The following ADAP1 variants were observed in gnomAD, a reference collection of about 807,000 sequenced individuals.
ADAP1 encodes arf-GAP with dual PH domain-containing protein 1.
Under a neutral mutation model 54.9 loss-of-function variants are expected in ADAP1, and 31 were observed. That is an observed-to-expected ratio of 0.56 (90% CI 0.42 to 0.76). The LOEUF is 0.76. Ranked by LOEUF, ADAP1 falls within the 30% of genes least tolerant of loss-of-function variation. The pLI, the probability that ADAP1 is intolerant of heterozygous loss-of-function variation, is 0.00. For synonymous variants in ADAP1, 313 were observed against 202.6 expected (o/e 1.55, Z -4.63); for missense variants, 535 against 512.4 (o/e 1.04, Z -0.42).
intron 4 of ADAP1, 83 bp from the exon 5 acceptor site, chr7:905,255 G>T (rs1263896627): frequency 3.2e-6 from 3 of 928,280 alleles, no homozygotes; most frequent in Admixed American, 2.0e-5. Flanking sequence ...GGACAGAGGG[G>T]ACATGGGGAG....
chr7:919,131 C>A (rs1008624686), intron 4 of ADAP1, among the ~76,000 whole-genome samples: 1 of 152,212 alleles, frequency 6.6e-6, no homozygotes, highest in African/African-American at 2.4e-5. Flanking sequence ...GTTTCTGCCA[C>A]CCGAGGGCCC....
intron 4 of ADAP1, among the ~76,000 whole-genome samples, chr7:912,389 C>CG (rs1389457490): frequency 1.3e-5 from 2 of 152,100 alleles, no homozygotes; most frequent in Non-Finnish European, 2.9e-5. Context: ...CAGGGGCAGG[C>CG]GGGGGGCAAG....
intron 1 of ADAP1, among the ~76,000 whole-genome samples, chr7:953,545 T>C (rs1847317216): frequency 6.6e-6 from 1 of 152,200 alleles, no homozygotes. Flanking sequence ...GGGCTTAGAC[T>C]ATTGGCCCCC....
rs1845454176 is a variant in ADAP1, at chr7:906,756, GGACAGGGGACATGGGGGACA to G, written c.389-1604_389-1585del. 1.8e-3 allele frequency among the ~76,000 whole-genome samples: 71 copies of G among 38,924 alleles called. 6 individuals are homozygous for G. In the East Asian group the frequency reaches 0.059, roughly 32 times the overall value. The allele number at this position is 38,924 out of a possible 152,430, so 25.5% of individuals were successfully genotyped here. A position where few individuals can be genotyped will look rare whatever the true frequency, so the allele number is the denominator to read the frequency against. ...GGGGGACAGAGTACATAGGGGACAT[GGACAGGGGACATGGGGGACA>G]GGGGACACGGGGGACGGGACAGGGG... On this transcript the variant is annotated intron_variant, in intron 4 of 10. Coordinates refer to ENST00000265846, the MANE Select transcript of ADAP1 (RefSeq NM_006869.4).
intron 10 of ADAP1, 37 bp from the exon 11 acceptor site, chr7:898,986 G>A (rs374700150): frequency 9.6e-5 from 155 of 1,610,220 alleles, no homozygotes; most frequent in Middle Eastern, 6.6e-4. Flanking sequence ...TCACAGCGGC[G>A]GGGAGCTGGG....
At chr7:900,414 C>T in intron 7 of ADAP1, 119 bp downstream of exon 7, 1 of 1,162,864 alleles carries the variant, frequency 8.6e-7, no homozygotes, top group Non-Finnish European at 1.2e-6. Flanking sequence ...AGCCCTTGGC[C>T]AGTCCCAGGC....
Position 937,637 on chromosome 7 carries a change from ACCTCTGGGATTTGGGGGTCATGCCCGG to A in ADAP1, c.83-2159_83-2133del, listed in dbSNP as rs1846816084. Among the ~76,000 whole-genome samples, 128 of 24,044 alleles carry A rather than the reference ACCTCTGGGATTTGGGGGTCATGCCCGG, an allele frequency of 5.3e-3. 1 individual carries two copies. The highest frequency in any genetic ancestry group is 0.012 in the Admixed American group (22 of 1,890). The allele number at this position is 24,044 out of a possible 152,430, so 15.8% of individuals were successfully genotyped here. ...CTCTGGGATTTGGGGGTCACGCCCGACCTCTGGGATTTGGGGGTCATGCCCGGCCTCTGGGATTTGGGGGTCATGCCC... is the reference window on the plus strand; with the variant it reads ...CTCTGGGATTTGGGGGTCACGCCCGACCTCTGGGATTTGGGGGTCATGCCC... On this transcript the variant is annotated intron_variant, in intron 1 of 10. Coordinates refer to ENST00000265846, the MANE Select transcript of ADAP1 (RefSeq NM_006869.4).
intron 1 of ADAP1, among the ~76,000 whole-genome samples, chr7:943,436 GAGGAGGAGGAAGGGAGC>G (rs1409814043): frequency 1.3e-4 from 1 of 7,446 alleles, no homozygotes; most frequent in African/African-American, 1.3e-3. Flanking sequence ...AGGAGGAAGA[GAGGAGGAGGAAGGGAGC>G]GAGGAGGAAG....
At chr7:954,251 GCCGAT>G (rs1847334819) in intron 1 of ADAP1, 140 bp downstream of exon 1, 7 of 803,558 alleles carry the variant, frequency 8.7e-6, no homozygotes, top group Non-Finnish European at 1.1e-5. Context: ...CCATCCGAGC[GCCGAT>G]CCGGCCCGGT....
intron 4 of ADAP1, among the ~76,000 whole-genome samples, chr7:906,485 A>G (rs868323301): frequency 3.6e-5 from 2 of 54,802 alleles, no homozygotes; most frequent in African/African-American, 6.5e-5. Flanking sequence ...AGGAGAAAGG[A>G]GAAAGGGAAA....
At chr7:941,532 A>C (rs1846938987) in intron 1 of ADAP1, among the ~76,000 whole-genome samples, 1 of 152,228 alleles carries the variant, frequency 6.6e-6, no homozygotes, top group African/African-American at 2.4e-5. Flanking sequence ...CAGAAATTGA[A>C]CATTTAAAAA....
At chr7:928,177 A>G (rs1025186859) in intron 2 of ADAP1, among the ~76,000 whole-genome samples, 15 of 151,838 alleles carry the variant, frequency 9.9e-5, no homozygotes, top group African/African-American at 3.6e-4. Flanking sequence ...CTATGGTCGC[A>G]CCACTGAACT....
chr7:949,486 C>T (rs1562939049), intron 1 of ADAP1, among the ~76,000 whole-genome samples: 1 of 152,272 alleles, frequency 6.6e-6, no homozygotes, highest in African/African-American at 2.4e-5. Context: ...CCTAGGAGCA[C>T]AGGGCCTGGG....
chr7:931,574 G>A (rs1356540646), intron 2 of ADAP1, among the ~76,000 whole-genome samples: 1 of 152,052 alleles, frequency 6.6e-6, no homozygotes. Context: ...GCTGGGCGGG[G>A]GTAAGAGCCA....
intron 2 of ADAP1, among the ~76,000 whole-genome samples, chr7:931,978 G>A (rs752165476): frequency 1.3e-5 from 2 of 152,112 alleles, no homozygotes; most frequent in Non-Finnish European, 2.9e-5. Context: ...AGGGAGCCAG[G>A]GGGGGCCCAG....
In ADAP1 at chr7:946,669, C is replaced by G. The variant is rs1583189315; in HGVS notation, c.82+7727G>C. 6.6e-6 allele frequency among the ~76,000 whole-genome samples: 1 copy of G among 152,264 alleles called. No individual in the cohort carries two copies. Among genetic ancestry groups the G allele is most frequent in the East Asian group, 1.9e-4 (1 of 5,168 alleles). The stretch of plus-strand genomic sequence containing the variant: ...CCCACCCTGTCCCGGAGCCCACTCT[C>G]TGGGGCCCCCACCCCGCGCCCCTCC... On this transcript the variant is annotated intron_variant, in intron 1 of 10. Coordinates refer to ENST00000265846, the MANE Select transcript of ADAP1 (RefSeq NM_006869.4). This position sits in a 1 kb window ranked among gnomAD's most constrained non-coding sequence, Gnocchi z 4.3.
intron 4 of ADAP1, among the ~76,000 whole-genome samples, chr7:917,406 G>T (rs1845981268): frequency 6.6e-6 from 1 of 152,074 alleles, no homozygotes; most frequent in African/African-American, 2.4e-5. Context: ...GGGGGTCAGG[G>T]GCTTCTCCAC....
chr7:900,047 A>C (rs1844710562), intron 8 of ADAP1, 55 bp downstream of exon 8: 1 of 1,602,162 alleles, frequency 6.2e-7, no homozygotes, highest in Admixed American at 1.7e-5. Flanking sequence ...CTTCAGTCCG[A>C]GACCCACCAT....
At chr7:915,130 C>T (rs1042615617) in intron 4 of ADAP1, among the ~76,000 whole-genome samples, 10 of 151,858 alleles carry the variant, frequency 6.6e-5, no homozygotes, top group Admixed American at 4.6e-4. Context: ...CCGCAGTCTA[C>T]GACCCCATGC....
Sources: gnomAD v4.1 joint callset for allele counts (sites outside exome capture counted in the v4.1 genomes callset) on GRCh38, gnomAD v4.1.1 for gene constraint, Gnocchi (gnomAD v3.1) non-coding constraint, MANE v1.5 for transcripts, NCBI Gene and HGNC (gene_info 2026-07-23, HGNC 2026-07-21) for gene names.